PCDH15: variants seen among roughly 807,000 people sequenced by gnomAD.
The protein encoded by PCDH15 is protocadherin related 15, also known as protocadherin-15.
Under a neutral mutation model 178.5 loss-of-function variants are expected in PCDH15, and 129 were observed. The ratio of observed to expected loss-of-function variants is 0.72; its 90% CI spans 0.63 to 0.84. The LOEUF (loss-of-function observed/expected upper bound fraction) is 0.84. PCDH15 is among the 40% of genes least tolerant of loss of function. The probability of loss-of-function intolerance (pLI) is 0.00; values close to 1 mark genes in which losing one functional copy is unlikely to be tolerated. For missense variants in PCDH15, 2,230 were observed against 2,099.9 expected, an observed-to-expected ratio of 1.06 and a Z score of -1.21; for synonymous variants, 800 against 732.0, an observed-to-expected ratio of 1.09 and a Z score of -1.50.
intron 2 of PCDH15, among the ~76,000 whole-genome samples, chr10:55,396,537 GT>G (rs1327533852): frequency 6.6e-6 from 1 of 152,144 alleles, no homozygotes; most frequent in African/African-American, 2.4e-5. Context: ...TAAAATTGAG[GT>G]CTAATCGAGA....
chr10:55,413,301 G>C (rs1184360627), intron 2 of PCDH15, among the ~76,000 whole-genome samples: 2 of 151,174 alleles, frequency 1.3e-5, no homozygotes, highest in African/African-American at 4.9e-5. Flanking sequence ...AAAAAAAAGG[G>C]ATAAAGATTC....
intron 2 of PCDH15, among the ~76,000 whole-genome samples, chr10:55,106,205 A>T (rs1295209372): frequency 6.6e-6 from 1 of 152,142 alleles, no homozygotes; most frequent in African/African-American, 2.4e-5. Flanking sequence ...TGTAACTTGA[A>T]ATTAGCCATG....
intron 2 of PCDH15, among the ~76,000 whole-genome samples, chr10:54,567,913 G>T (rs369514671): frequency 6.6e-6 from 1 of 151,984 alleles, no homozygotes; most frequent in African/African-American, 2.4e-5. Context: ...ATCCTCTAAG[G>T]CTTCCAGCAT....
chr10:54,132,056 T>A (rs1223556235), intron 15 of PCDH15, among the ~76,000 whole-genome samples: 1 of 152,136 alleles, frequency 6.6e-6, no homozygotes, highest in Admixed American at 6.5e-5. Context: ...CTTCATGAAT[T>A]CTCATATCAG....
chr10:55,478,075 T>TA (rs1840099015), intron 2 of PCDH15, among the ~76,000 whole-genome samples: 2 of 151,456 alleles, frequency 1.3e-5, no homozygotes. Flanking sequence ...AAAAAAACTA[T>TA]AAAAAGATGG....
At chr10:55,097,848 T>C (rs1269072388) in intron 2 of PCDH15, among the ~76,000 whole-genome samples, 1 of 152,114 alleles carries the variant, frequency 6.6e-6, no homozygotes, top group African/African-American at 2.4e-5. Context: ...ACTCTGTACT[T>C]TAAAGACTGA....
At chr10:53,820,379 C>G (rs12260959) in intron 32 of PCDH15, 149 bp from the exon 33 acceptor site, 1 of 389,366 alleles carries the variant, frequency 2.6e-6, no homozygotes, top group Non-Finnish European at 4.5e-6. Flanking sequence ...ATCTTGGTAA[C>G]TAGGAATGCC....
chr10:54,848,489 C>T (rs1303746254), intron 3 of PCDH15, among the ~76,000 whole-genome samples: 1 of 151,694 alleles, frequency 6.6e-6, no homozygotes, highest in African/African-American at 2.4e-5. Flanking sequence ...ATGTAGCACA[C>T]TCAGCCCGCT....
intron 2 of PCDH15, among the ~76,000 whole-genome samples, chr10:55,580,358 T>TCC (rs1564464165): frequency 7.2e-6 from 1 of 139,292 alleles, no homozygotes; most frequent in Non-Finnish European, 1.5e-5. Flanking sequence ...TTTTATTTTT[T>TCC]TATTTTTTTT....
chr10:55,127,777 T>C (rs1837941032), intron 2 of PCDH15, among the ~76,000 whole-genome samples: 1 of 152,094 alleles, frequency 6.6e-6, no homozygotes, highest in South Asian at 2.1e-4. Flanking sequence ...TGCAATCATT[T>C]ACGTATAACC....
chr10:53,806,950 A>G lies in PCDH15; in HGVS notation c.4852T>C (p.Cys1618Arg), dbSNP rs1166119573. Residue 1618 changes from cysteine (C) to arginine (R), a missense_variant, in exon 38 of 38, where the codon TGC becomes CGC. Coordinates refer to ENST00000644397, the MANE Select transcript of PCDH15 (RefSeq NM_001384140.1). ...GCAACTTTTAAGTTGTCCGTGAGGC[A>G]GGCACGGCGGGTTCTCACCACAGAA... The part of the protein sequence containing the change: ...NGSVVRTRRA[C>R]LTDNLKVASP... 2 of 1,613,782 alleles carry G rather than the reference A, an allele frequency of 1.2e-6. No homozygotes were observed. The highest frequency in any genetic ancestry group is 2.2e-5 in the East Asian group (1 of 44,880).
At chr10:54,274,632 G>A (rs2058246868) in intron 8 of PCDH15, among the ~76,000 whole-genome samples, 1 of 151,350 alleles carries the variant, frequency 6.6e-6, no homozygotes, top group Admixed American at 6.6e-5. Flanking sequence ...GTGTGTGTGT[G>A]TGTGTGTGTG....
At chr10:54,337,703 T>G (rs1195489931) in intron 6 of PCDH15, among the ~76,000 whole-genome samples, 1 of 152,182 alleles carries the variant, frequency 6.6e-6, no homozygotes, top group Non-Finnish European at 1.5e-5. Flanking sequence ...CAGAAACTTC[T>G]GGTTTGGGGC....
intron 2 of PCDH15, among the ~76,000 whole-genome samples, chr10:55,008,888 AAAC>A (rs1839989464): frequency 8.7e-6 from 1 of 114,426 alleles, no homozygotes; most frequent in South Asian, 3.0e-4. Context: ...CTTGTTTAAA[AAAC>A]AAAAACAAAA....
intron 7 of PCDH15, among the ~76,000 whole-genome samples, chr10:54,324,170 G>C (rs547478148): frequency 1.3e-5 from 2 of 151,854 alleles, no homozygotes; most frequent in Non-Finnish European, 2.9e-5. Flanking sequence ...GGAAGGTCAG[G>C]GTAGAGGTTA....
intron 8 of PCDH15, among the ~76,000 whole-genome samples, chr10:54,305,091 C>CT (rs1205043380): frequency 1.3e-5 from 2 of 152,018 alleles, no homozygotes; most frequent in Non-Finnish European, 2.9e-5. Context: ...ATTTTTATAA[C>CT]TTTTTAAAGT....
chr10:53,974,079 G>A (rs184516531), intron 21 of PCDH15, among the ~76,000 whole-genome samples: 3 of 152,232 alleles, frequency 2.0e-5, no homozygotes, highest in Admixed American at 6.5e-5. Context: ...AGGCAGTGGC[G>A]TGATCTTGGC....
chr10:53,835,798 G>T (rs2132693288), intron 29 of PCDH15, among the ~76,000 whole-genome samples: 1 of 152,218 alleles, frequency 6.6e-6, no homozygotes, highest in South Asian at 2.1e-4. Context: ...AATAAATAAG[G>T]TTAGAATTAT....
At chr10:54,176,382 T>C (rs905334671) in intron 13 of PCDH15, among the ~76,000 whole-genome samples, 3 of 152,176 alleles carry the variant, frequency 2.0e-5, no homozygotes, top group Non-Finnish European at 4.4e-5. Flanking sequence ...TAGGAAAATA[T>C]AGCCTTTATT....
Sources: allele counts gnomAD v4.1 joint callset (sites outside exome capture counted in the v4.1 genomes callset), GRCh38; gene constraint gnomAD v4.1.1; transcripts MANE v1.5; gene names NCBI Gene and HGNC (gene_info 2026-07-23, HGNC 2026-07-21).